CTNNA1: variants seen among roughly 807,000 people sequenced by gnomAD.
CTNNA1 encodes the protein catenin alpha-1.
CTNNA1 carries 37 observed loss-of-function variants against 98.4 expected under a neutral mutation model. The observed-to-expected ratio is 0.38, with a 90% CI of 0.29 to 0.49. The LOEUF (loss-of-function observed/expected upper bound fraction) is 0.49. Ranked by LOEUF, CTNNA1 falls within the 20% of genes least tolerant of loss-of-function variation. The pLI is 0.95. For synonymous variants in CTNNA1, 404 were observed against 413.2 expected, an observed-to-expected ratio of 0.98 and a Z score of 0.27; for missense variants, 761 against 1,147.2, an observed-to-expected ratio of 0.66 and a Z score of 4.86.
chr5:138,906,852 A>G (rs571198874), intron 10 of CTNNA1, among the ~76,000 whole-genome samples: 4 of 152,314 alleles, frequency 2.6e-5, no homozygotes, highest in African/African-American at 7.2e-5. Context: ...ACAAACTGCT[A>G]TGCACACAGG....
Position 138,934,627 on chromosome 5 carries a change from T to C in CTNNA1, c.*538T>C, listed in dbSNP as rs1766152206. 6.5e-6 allele frequency: 1 copy of C among 153,308 alleles called. No individual in the cohort carries two copies. The highest frequency in any genetic ancestry group is 1.5e-5 in the Non-Finnish European group (1 of 68,636). The allele number at this position is 153,308 out of a possible 1,614,324, so 9.5% of individuals were successfully genotyped here. On this transcript the variant is annotated 3_prime_UTR_variant, in exon 18 of 18. Transcript: ENST00000302763. Reference sequence around the variant, plus strand: ...TATCATGAAGAAAACTGATTCTCTATGACATGAAATGAAAATTTTAATGCA... The same window carrying C: ...TATCATGAAGAAAACTGATTCTCTACGACATGAAATGAAAATTTTAATGCA...
At chr5:138,916,778 T>TA (rs1198088441) in intron 10 of CTNNA1, among the ~76,000 whole-genome samples, 1 of 130,086 alleles carries the variant, frequency 7.7e-6, no homozygotes, top group African/African-American at 3.0e-5. Context: ...TTATTTTATT[T>TA]ATTTTTTTTT....
chr5:138,929,215 G>A (rs201609276), intron 13 of CTNNA1, 31 bp from the exon 14 acceptor site: 13 of 1,235,026 alleles, frequency 1.1e-5, no homozygotes, highest in Admixed American at 1.7e-5. Context: ...CCAGAGATGT[G>A]TCTGACCTGT....
At position 138,874,503 on chromosome 5, in the gene CTNNA1, T is replaced by A. The variant is rs1751072298; in HGVS notation, c.1063-11709T>A. On this transcript the variant is annotated intron_variant, in intron 7 of 17. Coordinates refer to ENST00000302763, the MANE Select transcript of CTNNA1 (RefSeq NM_001903.5). The surrounding 1 kb of genome is among the most constrained non-coding windows in gnomAD (Gnocchi z 4.1). ...GGCAGCATTTTTAAAACCATACTCA[T>A]TGCATATATTGCTGCCAGCATAGGG... 1.2e-6 allele frequency: 2 copies of A among 1,603,800 alleles called. No homozygotes were observed. The highest frequency in any genetic ancestry group is 1.7e-6 in the Non-Finnish European group (2 of 1,173,658).
At chr5:138,822,427 T>C (rs540591681) in intron 5 of CTNNA1, among the ~76,000 whole-genome samples, 1 of 152,338 alleles carries the variant, frequency 6.6e-6, no homozygotes, top group South Asian at 2.1e-4. Context: ...TAAGAAGCTA[T>C]GCTGATCTAG....
chr5:138,874,236 A>C lies in CTNNA1; in HGVS notation c.1063-11976A>C. 6.2e-7 allele frequency: 1 copy of C among 1,614,052 alleles called. No homozygotes were observed. Among genetic ancestry groups the C allele is most frequent in the Non-Finnish European group, 8.5e-7 (1 of 1,179,890 alleles). ...CTTAAGATTAATTCCTTAAGTTTATATAGTCCTTGAAAAGCATCTTCTTTT... is the reference window on the plus strand; with the variant it reads ...CTTAAGATTAATTCCTTAAGTTTATCTAGTCCTTGAAAAGCATCTTCTTTT... On this transcript the variant is annotated intron_variant, in intron 7 of 17. Coordinates refer to ENST00000302763, the MANE Select transcript of CTNNA1 (RefSeq NM_001903.5). The surrounding 1 kb of genome is among the most constrained non-coding windows in gnomAD (Gnocchi z 4.1).
intron 6 of CTNNA1, among the ~76,000 whole-genome samples, chr5:138,825,481 A>ACTTTTTTTTTTTTTTT (rs1561565679): frequency 4.7e-5 from 1 of 21,350 alleles, no homozygotes; most frequent in African/African-American, 2.3e-4. Context: ...CAGCAGTATA[A>ACTTTTTTTTTTTTTTT]GTTTTTTTTT....
At chr5:138,775,766 A>G (rs1209064414) in intron 1 of CTNNA1, among the ~76,000 whole-genome samples, 1 of 119,528 alleles carries the variant, frequency 8.4e-6, no homozygotes, top group Non-Finnish European at 1.6e-5. Context: ...CTGTCCGCCC[A>G]GGCTGGAGTG....
chr5:138,912,512 C>T (rs1760864701), intron 10 of CTNNA1, among the ~76,000 whole-genome samples: 1 of 152,174 alleles, frequency 6.6e-6, no homozygotes, highest in Non-Finnish European at 1.5e-5. Context: ...GAGGGAACTT[C>T]CTTAGCCTGA....
chr5:138,885,594 A>G (rs111618432), intron 7 of CTNNA1, among the ~76,000 whole-genome samples: 1 of 152,292 alleles, frequency 6.6e-6, no homozygotes, highest in African/African-American at 2.4e-5. Flanking sequence ...ATACCACTTC[A>G]AGAGTGACTA....
intron 1 of CTNNA1, among the ~76,000 whole-genome samples, chr5:138,764,059 C>T (rs553736901): frequency 1.3e-5 from 2 of 152,296 alleles, no homozygotes; most frequent in Admixed American, 1.3e-4. Context: ...GTGTCTCACA[C>T]TTGTAATCCC....
intron 7 of CTNNA1, among the ~76,000 whole-genome samples, chr5:138,866,864 CT>C (rs1322720229): frequency 6.6e-6 from 1 of 152,162 alleles, no homozygotes; most frequent in African/African-American, 2.4e-5. Context: ...ACTTTCACCT[CT>C]TTTTCCCCTT....
Position 138,874,964 on chromosome 5 carries a change from A to G in CTNNA1, c.1063-11248A>G, listed in dbSNP as rs750151529. The G allele has an allele frequency of 9.4e-5, 151 of 1,597,976 alleles. 2 individuals are homozygous for G. The East Asian group carries it at 3.3e-3, about 35-fold the overall frequency. On this transcript the variant is annotated intron_variant, in intron 7 of 17. Coordinates refer to ENST00000302763, the MANE Select transcript of CTNNA1 (RefSeq NM_001903.5). This position sits in a 1 kb window ranked among gnomAD's most constrained non-coding sequence, Gnocchi z 4.1. ...CAGTCGCGGTTGTTAGACTCAACGC[A>G]GTGAGTCTGTAAAAGGCTCTAACAT...
intron 7 of CTNNA1, among the ~76,000 whole-genome samples, chr5:138,841,793 C>T (rs1485638748): frequency 6.6e-6 from 1 of 152,064 alleles, no homozygotes; most frequent in Non-Finnish European, 1.5e-5. Context: ...TGGTTTTAAC[C>T]CCAGTTGAAG....
At chr5:138,838,108 C>G (rs889976976) in intron 7 of CTNNA1, among the ~76,000 whole-genome samples, 7 of 152,194 alleles carry the variant, frequency 4.6e-5, no homozygotes, top group Non-Finnish European at 7.3e-5. Flanking sequence ...ACCATGTTGG[C>G]CAGGCTGGTC....
chr5:138,873,606 T>C lies in CTNNA1; in HGVS notation c.1063-12606T>C, dbSNP rs780375690. On this transcript the variant is annotated intron_variant, in intron 7 of 17. Transcript: ENST00000302763. This position sits in a 1 kb window ranked among gnomAD's most constrained non-coding sequence, Gnocchi z 6.1. Reference sequence around the variant, plus strand: ...CCCAGCCAGGAGGCCAGAGCACATATTCGGGCGCTGCATTCCCACAGATTG... The same window carrying C: ...CCCAGCCAGGAGGCCAGAGCACATACTCGGGCGCTGCATTCCCACAGATTG... 1.2e-6 allele frequency: 2 copies of C among 1,614,018 alleles called. No homozygotes were observed. The highest frequency in any genetic ancestry group is 1.7e-6 in the Non-Finnish European group (2 of 1,179,898).
intron 3 of CTNNA1, 83 bp from the exon 4 acceptor site, chr5:138,809,955 T>C (rs541632465): frequency 1.4e-6 from 2 of 1,460,616 alleles, no homozygotes; most frequent in East Asian, 4.8e-5. Context: ...ATACAAAGTT[T>C]GGATTATTTT....
chr5:138,755,749 C>T (rs1580826848), intron 1 of CTNNA1, among the ~76,000 whole-genome samples: 1 of 151,236 alleles, frequency 6.6e-6, no homozygotes, highest in East Asian at 1.9e-4. Context: ...TTCTCAAACT[C>T]AAGGTGTCCA....
intron 7 of CTNNA1, among the ~76,000 whole-genome samples, chr5:138,845,922 GTTTTTTTGTTTTTT>G (rs1762682608): frequency 4.9e-5 from 1 of 20,444 alleles, no homozygotes; most frequent in Non-Finnish European, 1.5e-4. Flanking sequence ...GGTTTTTTTT[GTTTTTTTGTTTTTT>G]GTTTTTTTGA....
Sources: gnomAD v4.1 joint callset for allele counts (sites outside exome capture counted in the v4.1 genomes callset) on GRCh38, gnomAD v4.1.1 for gene constraint, Gnocchi (gnomAD v3.1) non-coding constraint, MANE v1.5 for transcripts, NCBI Gene and HGNC (gene_info 2026-07-23, HGNC 2026-07-21) for gene names.